NFASC: variants seen among roughly 807,000 people sequenced by gnomAD.
The protein encoded by NFASC is neurofascin homolog.
A neutral mutation model predicts 147.5 loss-of-function variants in NFASC; 43 were observed. The ratio of observed to expected loss-of-function variants is 0.29; its 90% CI spans 0.23 to 0.38. The LOEUF is 0.38. NFASC is among the 10% of genes least tolerant of loss of function. NFASC has a pLI of 1.00. For missense variants in NFASC, 1,320 were observed against 1,689.0 expected, an observed-to-expected ratio of 0.78 and a Z score of 3.83; for synonymous variants, 622 against 665.5, an observed-to-expected ratio of 0.93 and a Z score of 1.01.
chr1:204,864,080 AT>A (rs1204775071), intron 1 of NFASC, among the ~76,000 whole-genome samples: 3 of 152,134 alleles, frequency 2.0e-5, no homozygotes, highest in Non-Finnish European at 4.4e-5. Context: ...GTCTCTACGA[AT>A]TTGTCCATTA....
Position 204,974,783 on chromosome 1 carries a change from C to G in NFASC, c.1518C>G (p.Ile506Met). ...TCTACACCTGTGTCGCCACCAACAT[C>G]CTGGGCAAAGCTGAAAACCAAGTCC... is the stretch of plus-strand genomic sequence containing the variant. ...QGIYTCVATN[I>M]LGKAENQVRL... Residue 506 changes from isoleucine to methionine, a missense_variant, in exon 14 of 30, where the codon ATC becomes ATG. Physicochemically the swap from Ile to Met is conservative, Grantham distance 10. This residue lies in a region of NFASC where 981 missense variants were observed against 1,289.5 expected (regional missense o/e 0.76). Coordinates refer to ENST00000339876, the MANE Select transcript of NFASC (RefSeq NM_001005388.3). 1 of 1,614,100 alleles carries G rather than the reference C, an allele frequency of 6.2e-7. No individual in the cohort carries two copies. The highest frequency in any genetic ancestry group is 2.2e-5 in the East Asian group (1 of 44,898).
At chr1:204,928,808 C>T (rs887252619) in intron 2 of NFASC, among the ~76,000 whole-genome samples, 3 of 152,092 alleles carry the variant, frequency 2.0e-5, no homozygotes, top group African/African-American at 4.8e-5. Context: ...AGTGGCTGCA[C>T]TTTATTGGTG....
At chr1:204,988,550 G>A in intron 22 of NFASC, 83 bp from the exon 23 acceptor site, 1 of 1,271,792 alleles carries the variant, frequency 7.9e-7, no homozygotes, top group Non-Finnish European at 1.1e-6. Context: ...AGTCAGGAAA[G>A]TGTTCTTCCT....
At chr1:204,897,829 G>A (rs1041315045) in intron 1 of NFASC, among the ~76,000 whole-genome samples, 1 of 152,058 alleles carries the variant, frequency 6.6e-6, no homozygotes, top group African/African-American at 2.4e-5. Context: ...TCTGTCTCCT[G>A]GGTTCAAGTG....
chr1:204,936,686 C>T (rs2092874466), intron 2 of NFASC, among the ~76,000 whole-genome samples: 1 of 152,224 alleles, frequency 6.6e-6, no homozygotes, highest in South Asian at 2.1e-4. Flanking sequence ...TACCTGGCCT[C>T]CCCACTTCCA....
At chr1:204,977,195 C>A in intron 16 of NFASC, 1 of 875,872 alleles carries the variant, frequency 1.1e-6, no homozygotes, top group Non-Finnish European at 1.4e-6. Context: ...GCCTTCCTTT[C>A]CCTCCCGCTC....
At chr1:205,005,220 A>G (rs1036954351) in intron 27 of NFASC, among the ~76,000 whole-genome samples, 2 of 152,250 alleles carry the variant, frequency 1.3e-5, no homozygotes, top group Non-Finnish European at 2.9e-5. Context: ...GTATTTGGGG[A>G]AAATCCATCC....
chr1:204,864,115 G>T (rs370565749), intron 1 of NFASC, among the ~76,000 whole-genome samples: 14 of 152,278 alleles, frequency 9.2e-5, no homozygotes, highest in African/African-American at 3.4e-4. Flanking sequence ...TCACATAAAT[G>T]GAATCATACA....
intron 2 of NFASC, among the ~76,000 whole-genome samples, chr1:204,932,854 G>A (rs1353700598): frequency 2.0e-5 from 3 of 152,224 alleles, no homozygotes; most frequent in African/African-American, 7.2e-5. Context: ...GGCACAGCAG[G>A]AGTGCAGGAT....
At chr1:204,835,684 G>A (rs1366262254) in intron 1 of NFASC, among the ~76,000 whole-genome samples, 2 of 152,184 alleles carry the variant, frequency 1.3e-5, no homozygotes, top group Non-Finnish European at 2.9e-5. Flanking sequence ...TGAGGGGTGT[G>A]TCTGGAGCAG....
chr1:204,863,050 C>T (rs1022816850), intron 1 of NFASC, among the ~76,000 whole-genome samples: 6 of 152,182 alleles, frequency 3.9e-5, no homozygotes, highest in African/African-American at 1.4e-4. Context: ...GAAGTAAAGT[C>T]ATCTGGAGAG....
At chr1:204,874,641 C>T (rs908295866) in intron 1 of NFASC, among the ~76,000 whole-genome samples, 2 of 152,312 alleles carry the variant, frequency 1.3e-5, no homozygotes, top group African/African-American at 4.8e-5. Flanking sequence ...CCGCCTCTGC[C>T]GGTGCCCTTC....
At chr1:204,949,895 G>A (rs2093995433) in intron 3 of NFASC, among the ~76,000 whole-genome samples, 1 of 152,256 alleles carries the variant, frequency 6.6e-6, no homozygotes. Context: ...TTTGTGAAAA[G>A]CACAGAAAGG....
chr1:205,000,839 A>AC (rs1282293293), intron 25 of NFASC: 93 of 326,336 alleles, frequency 2.8e-4, no homozygotes, highest in East Asian at 6.0e-4. Flanking sequence ...AAAAAAAAAA[A>AC]CAGAAAACAA....
rs2095516780 is a variant in NFASC at position 204,981,974 on chromosome 1, G to C, written c.2424G>C (p.Gly808=). The C allele has an allele frequency of 1.9e-6, 3 of 1,604,476 alleles. No homozygotes were observed. Among genetic ancestry groups the C allele is most frequent in the South Asian group, 2.2e-5 (2 of 89,338 alleles). Residue 808 remains glycine (G), a synonymous_variant, in exon 21 of 30, where the codon GGG becomes GGC. Coordinates refer to ENST00000339876, the MANE Select transcript of NFASC (RefSeq NM_001005388.3). ...EIRVQAENDF[G]KGPEPESVIG... is the part of the protein sequence containing the mutation. ...GAGTCCAGGCTGAAAATGACTTCGG[G>C]AAGGGCCCTGAGCCAGAGTCCGTCA...
chr1:204,991,807 C>T (rs912183775), intron 24 of NFASC, among the ~76,000 whole-genome samples: 1 of 152,242 alleles, frequency 6.6e-6, no homozygotes, highest in Non-Finnish European at 1.5e-5. Flanking sequence ...GGCCCGGCAC[C>T]GGCTCTGCCA....
At chr1:204,977,108 C>T (rs2095423349) in intron 16 of NFASC, 6 of 1,197,862 alleles carry the variant, frequency 5.0e-6, no homozygotes, top group Non-Finnish European at 6.2e-6. Context: ...CAGCTAACTC[C>T]ACCACTAAGT....
At chr1:204,910,534 C>T (rs2087128427) in intron 1 of NFASC, among the ~76,000 whole-genome samples, 1 of 151,910 alleles carries the variant, frequency 6.6e-6, no homozygotes, top group Non-Finnish European at 1.5e-5. Context: ...TCACTGCAGC[C>T]TTGAACTCCT....
At chr1:205,007,230 T>TA (rs375842683) in intron 27 of NFASC, among the ~76,000 whole-genome samples, 7,089 of 151,286 alleles carry the variant, frequency 0.047, 331 homozygotes, top group African/African-American at 0.12. Flanking sequence ...CTGTCTTTAC[T>TA]AAAATTAAAA....
Sources: allele counts gnomAD v4.1 joint callset (sites outside exome capture counted in the v4.1 genomes callset), GRCh38; gene constraint gnomAD v4.1.1; regional missense constraint gnomAD v4.1.1; transcripts MANE v1.5; gene names NCBI Gene and HGNC (gene_info 2026-07-23, HGNC 2026-07-21).